Variants in HMOX2 observed in about 807,000 individuals in gnomAD.
HMOX2 encodes the protein heme oxygenase 2.
HMOX2 carries 30 observed loss-of-function variants against 33.7 expected under a neutral mutation model. That is an observed-to-expected ratio of 0.89 (90% CI 0.67 to 1.21). HMOX2 has a LOEUF of 1.21. HMOX2 is among the 50% of genes most tolerant of loss of function. The pLI, the probability that HMOX2 is intolerant of heterozygous loss-of-function variation, is 0.00. For missense variants in HMOX2, 403 were observed against 399.1 expected, an observed-to-expected ratio of 1.01 and a Z score of -0.08; for synonymous variants, 155 against 155.0, an observed-to-expected ratio of 1.00 and a Z score of 0.00.
At chr16:4,486,263 C>G (rs1248314051) in intron 1 of HMOX2, among the ~76,000 whole-genome samples, 1 of 152,202 alleles carries the variant, frequency 6.6e-6, no homozygotes, top group Non-Finnish European at 1.5e-5. Context: ...TGTAAACAAA[C>G]AGCCTTTTAC....
chr16:4,490,993 A>G lies in HMOX2; in HGVS notation c.-41-14491A>G, dbSNP rs138560317. 3.1e-3 allele frequency among the ~76,000 whole-genome samples: 478 copies of G among 152,242 alleles called. 3 individuals carry two copies. The highest frequency in any genetic ancestry group is 0.011 in the African/African-American group (451 of 41,544). On this transcript the variant is annotated intron_variant, in intron 1 of 5. Coordinates refer to ENST00000570646, the MANE Select transcript of HMOX2 (RefSeq NM_002134.4). ...TGAGTAGTATCCCTGACCTCTACCC[A>G]CTATTGTCAGTAGCACACTCCCGTC...
At chr16:4,495,368 A>G (rs1289636417) in intron 1 of HMOX2, 1 of 152,210 alleles carries the variant, frequency 6.6e-6, no homozygotes, top group East Asian at 1.9e-4. Flanking sequence ...TGCTGCTGCT[A>G]GTTCTGTCCC....
At chr16:4,483,593 A>G (rs1021507457) in intron 1 of HMOX2, 1 of 152,184 alleles carries the variant, frequency 6.6e-6, no homozygotes, top group Non-Finnish European at 1.5e-5. Context: ...GGTGCAGATC[A>G]AATATATCTA....
At chr16:4,488,419 C>T (rs2058226802) in intron 1 of HMOX2, among the ~76,000 whole-genome samples, 1 of 152,160 alleles carries the variant, frequency 6.6e-6, no homozygotes, top group African/African-American at 2.4e-5. Context: ...GTTGTGGGTG[C>T]TGCCCCATTG....
At chr16:4,490,835 A>C (rs979641398) in intron 1 of HMOX2, among the ~76,000 whole-genome samples, 3 of 152,200 alleles carry the variant, frequency 2.0e-5, no homozygotes, top group Admixed American at 6.5e-5. Context: ...TTTTGAATGC[A>C]CACTGCTTTT....
chr16:4,508,048 A>C lies in HMOX2; in HGVS notation c.540A>C (p.Thr180=). 1 of 1,614,162 alleles carries C rather than the reference A, an allele frequency of 6.2e-7. No homozygotes were observed. Among genetic ancestry groups the C allele is most frequent in the Admixed American group, 1.7e-5 (1 of 60,016 alleles). ...VAQRALKLPS[T]GEGTQFYLFE... is the part of the protein sequence containing the mutation. ...AGCGAGCACTGAAACTCCCCAGCAC[A>C]GGGGAAGGGACCCAGTTCTACCTGT... is the stretch of plus-strand genomic sequence containing the variant. The change falls in exon 4 of 6, where the codon ACA becomes ACC. Residue 180 remains threonine, a synonymous_variant. Coordinates refer to ENST00000570646, the MANE Select transcript of HMOX2 (RefSeq NM_002134.4).
chr16:4,479,724 C>CTTT (rs1567377353), intron 1 of HMOX2, among the ~76,000 whole-genome samples: 1 of 93,888 alleles, frequency 1.1e-5, no homozygotes, highest in African/African-American at 4.4e-5. Context: ...TTTTCTTATT[C>CTTT]TATTTTTTTT....
intron 1 of HMOX2, among the ~76,000 whole-genome samples, chr16:4,502,186 A>G (rs1222333947): frequency 6.6e-6 from 1 of 152,040 alleles, no homozygotes; most frequent in African/African-American, 2.4e-5. Context: ...CGGCCTCCCT[A>G]AATGCTGGGA....
chr16:4,502,130 G>A (rs761675509), intron 1 of HMOX2, among the ~76,000 whole-genome samples: 4 of 152,064 alleles, frequency 2.6e-5, no homozygotes, highest in Non-Finnish European at 5.9e-5. Flanking sequence ...TCACCATGTT[G>A]GCCAGGCTGG....
At position 4,510,039 on chromosome 16, in the gene HMOX2, C is replaced by A; in HGVS notation, c.*283C>A. 2.1e-6 allele frequency: 1 copy of A among 475,792 alleles called. No individual in the cohort carries two copies. Among genetic ancestry groups the A allele is most frequent in the Non-Finnish European group, 3.8e-6 (1 of 264,068 alleles). 29.5% of individuals were successfully genotyped at this position (475,792 alleles called of 1,614,324 possible). On this transcript the variant is annotated 3_prime_UTR_variant, in exon 6 of 6. Coordinates refer to ENST00000570646, the MANE Select transcript of HMOX2 (RefSeq NM_002134.4). The stretch of plus-strand genomic sequence containing the variant: ...CTCCAGGCTTCCACACTTCTGGGCC[C>A]TAGGCTGCTTCCGGTAGTCCCTGTT...
At chr16:4,503,332 C>T (rs1053468895) in intron 1 of HMOX2, among the ~76,000 whole-genome samples, 1 of 152,084 alleles carries the variant, frequency 6.6e-6, no homozygotes, top group African/African-American at 2.4e-5. Flanking sequence ...CAGCCCTGCC[C>T]CAAATCCTGT....
rs773304208 is a variant in HMOX2, at chr16:4,505,496, G to A, written c.-29G>A. On this transcript the variant is annotated 5_prime_UTR_variant, in exon 2 of 6. Coordinates refer to ENST00000570646, the MANE Select transcript of HMOX2 (RefSeq NM_002134.4). Reference sequence around the variant, plus strand: ...TGTGTCTCTGCAGGACCAGAGGAGCGAGAGCAGCAAGAACCACACCCAGCA... The same window carrying A: ...TGTGTCTCTGCAGGACCAGAGGAGCAAGAGCAGCAAGAACCACACCCAGCA... 16 of 1,562,824 alleles carry A rather than the reference G, an allele frequency of 1.0e-5. No individual in the cohort carries two copies. The highest frequency in any genetic ancestry group is 1.3e-5 in the Non-Finnish European group (15 of 1,143,852).
At chr16:4,486,254 G>A (rs1168606706) in intron 1 of HMOX2, among the ~76,000 whole-genome samples, 1 of 152,206 alleles carries the variant, frequency 6.6e-6, no homozygotes, top group Non-Finnish European at 1.5e-5. Context: ...ACATTCCTTT[G>A]TAAACAAACA....
intron 1 of HMOX2, chr16:4,495,586 G>C (rs867124027): frequency 6.6e-6 from 1 of 152,176 alleles, no homozygotes; most frequent in South Asian, 2.1e-4. Context: ...GAGCCACCTT[G>C]TTCGATTGAC....
At chr16:4,481,574 T>A (rs2058033618) in intron 1 of HMOX2, among the ~76,000 whole-genome samples, 1 of 152,196 alleles carries the variant, frequency 6.6e-6, no homozygotes, top group Non-Finnish European at 1.5e-5. Flanking sequence ...GCTCTATCTT[T>A]AGCACAGTTG....
chr16:4,481,147 C>A (rs1463931727), intron 1 of HMOX2, among the ~76,000 whole-genome samples: 1 of 151,124 alleles, frequency 6.6e-6, no homozygotes, highest in African/African-American at 2.4e-5. Context: ...GAGATCGAGA[C>A]CATGCTGGCT....
At chr16:4,489,839 T>C (rs1337685564) in intron 1 of HMOX2, among the ~76,000 whole-genome samples, 2 of 152,132 alleles carry the variant, frequency 1.3e-5, no homozygotes, top group Non-Finnish European at 2.9e-5. Context: ...CTGAAACTCC[T>C]GGCCTCAGTG....
intron 1 of HMOX2, among the ~76,000 whole-genome samples, chr16:4,498,101 C>T (rs566582071): frequency 1.6e-4 from 20 of 124,468 alleles, no homozygotes; most frequent in Middle Eastern, 6.3e-3. Flanking sequence ...CAGTCTTGCT[C>T]TGTTGTGCAG....
chr16:4,474,937 TC>T (rs2057772835), upstream of HMOX2: 1 of 152,094 alleles, frequency 6.6e-6, no homozygotes, highest in Non-Finnish European at 1.5e-5. Context: ...TTTGCCTAAC[TC>T]ACTTTTAAAA....
Sources: gnomAD v4.1 joint callset for allele counts (sites outside exome capture counted in the v4.1 genomes callset) on GRCh38, gnomAD v4.1.1 for gene constraint, MANE v1.5 for transcripts, NCBI Gene and HGNC (gene_info 2026-07-23, HGNC 2026-07-21) for gene names.